The following LIPA variants were observed in gnomAD, a reference collection of about 807,000 sequenced individuals.
LIPA encodes the protein lysosomal acid lipase/cholesteryl ester hydrolase.
Under a neutral mutation model 40.6 loss-of-function variants are expected in LIPA, and 26 were observed. The ratio of observed to expected loss-of-function variants is 0.64; its 90% CI spans 0.47 to 0.89. The LOEUF is 0.89. Among genes scored for constraint, LIPA ranks in the 40% least tolerant of loss-of-function variants. The pLI is 0.00. For synonymous variants in LIPA, 188 were observed against 168.4 expected, an observed-to-expected ratio of 1.12 and a Z score of -0.90; for missense variants, 455 against 479.6, an observed-to-expected ratio of 0.95 and a Z score of 0.48.
chr10:89,281,498 C>T (rs997722724), intron 1 of LIPA, among the ~76,000 whole-genome samples: 1 of 152,186 alleles, frequency 6.6e-6, no homozygotes, highest in African/African-American at 2.4e-5. Context: ...CAGGTGCCCA[C>T]TGCAAAATTT....
At chr10:89,247,139 G>A (rs945050439) in intron 2 of LIPA, among the ~76,000 whole-genome samples, 2 of 151,992 alleles carry the variant, frequency 1.3e-5, no homozygotes, top group Admixed American at 6.6e-5. Context: ...GGGAGGCTGA[G>A]GTGGACAGAT....
intron 7 of LIPA, among the ~76,000 whole-genome samples, chr10:89,222,885 C>A (rs1842718501): frequency 6.6e-6 from 1 of 152,162 alleles, no homozygotes; most frequent in African/African-American, 2.4e-5. Context: ...TTTCATATAA[C>A]AATCACACCT....
At chr10:89,331,503 A>C (rs1843649636) in intron 1 of LIPA, among the ~76,000 whole-genome samples, 1 of 152,154 alleles carries the variant, frequency 6.6e-6, no homozygotes, top group Non-Finnish European at 1.5e-5. Flanking sequence ...TAACATACAG[A>C]TATACAATTT....
chr10:89,394,590 A>T (rs1564807674), intron 2 of LIPA, among the ~76,000 whole-genome samples: 1 of 17,658 alleles, frequency 5.7e-5, no homozygotes, highest in East Asian at 9.8e-4. Context: ...ATATATATAT[A>T]TATATATATA....
intron 2 of LIPA, among the ~76,000 whole-genome samples, chr10:89,379,663 T>C (rs553473110): frequency 3.9e-5 from 6 of 152,212 alleles, no homozygotes; most frequent in African/African-American, 1.4e-4. Context: ...GAAGAAATTA[T>C]AAATGAAGGA....
rs531532009 is a variant in LIPA at position 89,383,713 on chromosome 10, T to C, written c.61+29078A>G. The C allele has an allele frequency of 6.2e-6, 10 of 1,614,182 alleles. No homozygotes were observed. The highest frequency in any genetic ancestry group is 6.8e-6 in the Non-Finnish European group (8 of 1,180,034). ...CAAGAAGTTTGCAAATCCTTCCCGC[T>C]ATAGAATGGAGTGTCCAGAGGTGGA... On this transcript the variant is annotated intron_variant, in intron 2 of 8. Transcript: ENST00000371837.
At chr10:89,268,839 A>G (rs1843250868) in intron 1 of LIPA, among the ~76,000 whole-genome samples, 1 of 152,028 alleles carries the variant, frequency 6.6e-6, no homozygotes, top group Non-Finnish European at 1.5e-5. Flanking sequence ...ACAAAAAGTT[A>G]GCTGGGCGCG....
chr10:89,325,684 C>A (rs1360421483), intron 1 of LIPA, among the ~76,000 whole-genome samples: 1 of 152,026 alleles, frequency 6.6e-6, no homozygotes, highest in Non-Finnish European at 1.5e-5. Context: ...AAGAGGGGAA[C>A]AACAGACACT....
chr10:89,413,568 A>T (rs1197601108), intron 1 of LIPA, among the ~76,000 whole-genome samples: 1 of 152,110 alleles, frequency 6.6e-6, no homozygotes, highest in African/African-American at 2.4e-5. Context: ...GGTGTTGGAG[A>T]CCAGCCTGGG....
At chr10:89,334,215 G>A (rs977458722) in intron 1 of LIPA, among the ~76,000 whole-genome samples, 1 of 152,172 alleles carries the variant, frequency 6.6e-6, no homozygotes, top group Non-Finnish European at 1.5e-5. Context: ...CAAGACAGGT[G>A]GTCATGATCT....
chr10:89,410,236 A>G (rs1459712617), intron 2 of LIPA, among the ~76,000 whole-genome samples: 1 of 152,236 alleles, frequency 6.6e-6, no homozygotes, highest in Non-Finnish European at 1.5e-5. Flanking sequence ...TAAATGGCAT[A>G]CTAGGTGCCA....
intron 2 of LIPA, among the ~76,000 whole-genome samples, chr10:89,371,689 C>T (rs1037959997): frequency 1.3e-5 from 2 of 152,162 alleles, no homozygotes; most frequent in Admixed American, 6.5e-5. Flanking sequence ...ACAATGAATG[C>T]TGCTTTGGAG....
intron 2 of LIPA, among the ~76,000 whole-genome samples, chr10:89,382,867 G>C (rs991799024): frequency 6.6e-6 from 1 of 152,200 alleles, no homozygotes; most frequent in Non-Finnish European, 1.5e-5. Flanking sequence ...CCCTTCATGG[G>C]AGGAGAGAAA....
At chr10:89,364,744 A>G (rs1750445182) in intron 2 of LIPA, among the ~76,000 whole-genome samples, 1 of 151,678 alleles carries the variant, frequency 6.6e-6, no homozygotes, top group African/African-American at 2.4e-5. Context: ...GAAAGTGAAA[A>G]AAGTCCCCCT....
At position 89,226,941 on chromosome 10, in the gene LIPA, G is replaced by A. The variant is rs761751211; in HGVS notation, c.492C>T (p.Gly164=). The A allele has an allele frequency of 3.7e-6, 6 of 1,612,902 alleles. No individual in the cohort carries two copies. Among genetic ancestry groups the A allele is most frequent in the Admixed American group, 1.7e-5 (1 of 60,010 alleles). ...ASINFILNKT[G]QEQVYYVGHS... The stretch of plus-strand genomic sequence containing the variant: ...GACCCACATAATACACTTGTTCTTG[G>A]CCAGTTTTATTCAGAATGAAGTTAA... The change falls in exon 5 of 10, where the codon GGC becomes GGT. Residue 164 remains glycine (G), a synonymous_variant. Transcript: ENST00000336233.
At chr10:89,265,109 C>G (rs1738177140) in intron 1 of LIPA, among the ~76,000 whole-genome samples, 1 of 151,864 alleles carries the variant, frequency 6.6e-6, no homozygotes, top group Non-Finnish European at 1.5e-5. Flanking sequence ...TAGGCTTGGC[C>G]ACAACTTTGT....
At chr10:89,292,497 G>A (rs1249849609) in intron 1 of LIPA, 2 of 152,202 alleles carry the variant, frequency 1.3e-5, no homozygotes, top group African/African-American at 4.8e-5. Flanking sequence ...GGCCCTAGAA[G>A]TAAGTGGTAT....
intron 1 of LIPA, among the ~76,000 whole-genome samples, chr10:89,296,800 T>C (rs1843417943): frequency 6.6e-6 from 1 of 152,194 alleles, no homozygotes; most frequent in South Asian, 2.1e-4. Context: ...ACTATTATTT[T>C]CTTTTGGGCC....
chr10:89,298,264 G>A (rs565039911), intron 1 of LIPA, among the ~76,000 whole-genome samples: 17 of 152,272 alleles, frequency 1.1e-4, no homozygotes, highest in African/African-American at 3.6e-4. Context: ...TGTTGTTCTG[G>A]GGCCGAAGAT....
Sources: gnomAD v4.1 joint callset for allele counts (sites outside exome capture counted in the v4.1 genomes callset) on GRCh38, gnomAD v4.1.1 for gene constraint, MANE v1.5 for transcripts, NCBI Gene and HGNC (gene_info 2026-07-23, HGNC 2026-07-21) for gene names.